Variants in DLEC1 observed in about 807,000 individuals in gnomAD.
DLEC1 encodes DLEC1 cilia and flagella associated protein.
A neutral mutation model predicts 198.1 loss-of-function variants in DLEC1; 146 were observed. The observed-to-expected ratio is 0.74, with a 90% CI of 0.64 to 0.85. DLEC1 has a LOEUF of 0.85. DLEC1 is among the 40% of genes least tolerant of loss of function. The probability of loss-of-function intolerance (pLI) is 0.00; values close to 1 mark genes in which losing one functional copy is unlikely to be tolerated. For missense variants in DLEC1, 2,233 were observed against 2,220.0 expected (o/e 1.01, Z -0.12); for synonymous variants, 897 against 866.8 (o/e 1.03, Z -0.61).
At chr3:38,048,355 A>G (rs906971529) in intron 2 of DLEC1, among the ~76,000 whole-genome samples, 2 of 152,260 alleles carry the variant, frequency 1.3e-5, no homozygotes, top group African/African-American at 4.8e-5. Flanking sequence ...TTTCCAGTGC[A>G]GTAGACAGAA....
chr3:38,074,458 G>C (rs1272469824), intron 6 of DLEC1, among the ~76,000 whole-genome samples: 1 of 152,248 alleles, frequency 6.6e-6, no homozygotes, highest in Non-Finnish European at 1.5e-5. Flanking sequence ...GCGTCTAAGG[G>C]TTGCTGCTTA....
At chr3:38,096,074 G>A (rs1050174440) in intron 14 of DLEC1, 128 bp downstream of exon 14, 1 of 1,159,798 alleles carries the variant, frequency 8.6e-7, no homozygotes, top group African/African-American at 1.5e-5. Flanking sequence ...TGGGGAGTGA[G>A]AGCATTTTTT....
rs751455053 is a variant in DLEC1, at chr3:38,041,847, CAAAAAAA to C, written c.411+2224_411+2230del. ...TGGGCGACAGAACGAGACTCCGTTT[CAAAAAAA>C]AAAAAAAAAAAAGAAATACAACTAT... On this transcript the variant is annotated intron_variant, in intron 1 of 36. Transcript: ENST00000308059. Among the ~76,000 whole-genome samples, 262 of 71,702 alleles carry C rather than the reference CAAAAAAA, an allele frequency of 3.7e-3. 2 individuals are homozygous for C. The East Asian group carries it at 0.071, about 19-fold the overall frequency. 47.0% of individuals were successfully genotyped at this position (71,702 alleles called of 152,430 possible).
In DLEC1 at chr3:38,109,718, G is replaced by A. The variant is rs1699762563; in HGVS notation, c.3260+156G>A. The A allele has an allele frequency of 3.2e-6, 4 of 1,268,314 alleles. No individual in the cohort carries two copies. In the African/African-American group the frequency reaches 6.0e-5, roughly 19 times the overall value. The allele number at this position is 1,268,314 out of a possible 1,614,324, so 78.6% of individuals were successfully genotyped here. On this transcript the variant is annotated intron_variant, in intron 22 of 36. Transcript: ENST00000308059. Reference sequence around the variant, plus strand: ...GTTATTGCGGCCACTCACCACTCCTGTGGGGACAGCTCCCTTTACCCCATC... The same window carrying A: ...GTTATTGCGGCCACTCACCACTCCTATGGGGACAGCTCCCTTTACCCCATC...
intron 19 of DLEC1, chr3:38,103,277 T>A (rs2125709370): frequency 6.6e-6 from 1 of 152,428 alleles, no homozygotes; most frequent in South Asian, 2.1e-4. Flanking sequence ...CTTCCATGTG[T>A]TGCTCTGAGC....
intron 8 of DLEC1, among the ~76,000 whole-genome samples, chr3:38,085,923 C>T (rs1698432199): frequency 6.6e-6 from 1 of 152,194 alleles, no homozygotes; most frequent in African/African-American, 2.4e-5. Flanking sequence ...CGTGATCCCC[C>T]TTACTTCTGC....
At chr3:38,085,661 AG>A (rs1647137249) in intron 8 of DLEC1, among the ~76,000 whole-genome samples, 2 of 151,908 alleles carry the variant, frequency 1.3e-5, no homozygotes, top group African/African-American at 2.4e-5. Context: ...TTCTCAGTGG[AG>A]GTTGACTCAC....
chr3:38,097,431 A>G, intron 16 of DLEC1, 76 bp from the exon 17 acceptor site: 1 of 1,595,656 alleles, frequency 6.3e-7, no homozygotes. Context: ...TGTGCAAGCC[A>G]GATGTCTGGG....
chr3:38,110,057 G>T (rs772438791), intron 22 of DLEC1, 42 bp from the exon 23 acceptor site: 3 of 1,603,136 alleles, frequency 1.9e-6, no homozygotes, highest in Non-Finnish European at 2.6e-6. Context: ...GCCAAGGGTG[G>T]TGTGTTACAT....
chr3:38,112,248 GCTTT>G lies in DLEC1; in HGVS notation c.3557_3560del (p.Phe1186SerfsTer59). Reference sequence around the variant, plus strand: ...CATGCTATCCCACGGGAAAGGAGCTGCTTTCTTCCCTCACTTTTCCCAGGGCATG... The same window carrying G: ...CATGCTATCCCACGGGAAAGGAGCTGCTTCCCTCACTTTTCCCAGGGCATG... On this transcript the variant is annotated frameshift_variant, in exon 25 of 37. Coordinates refer to ENST00000308059, the MANE Select transcript of DLEC1 (RefSeq NM_007335.4). LOFTEE classifies it high-confidence loss of function. This position sits in a 1 kb window ranked among gnomAD's most constrained non-coding sequence, Gnocchi z 4.8. 6.2e-7 allele frequency: 1 copy of G among 1,614,166 alleles called. No individual in the cohort carries two copies. Among genetic ancestry groups the G allele is most frequent in the South Asian group, 1.1e-5 (1 of 91,086 alleles).
At position 38,118,065 on chromosome 3, in the gene DLEC1, C is replaced by T. The variant is rs145002117; in HGVS notation, c.4704+41C>T. 1.9e-3 allele frequency: 2,887 copies of T among 1,551,950 alleles called. 4 individuals are homozygous for T. Among genetic ancestry groups the T allele is most frequent in the Non-Finnish European group, 2.3e-3 (2,655 of 1,147,058 alleles). ...TGCAGCCCTTGCCTCGATGGCACAC[C>T]CTCACATGTGTACAGACAGCACCCC... On this transcript the variant is annotated intron_variant, in intron 33 of 36. Coordinates refer to ENST00000308059, the MANE Select transcript of DLEC1 (RefSeq NM_007335.4).
chr3:38,043,956 G>T lies in DLEC1; in HGVS notation c.412-1587G>T, dbSNP rs9840135. The stretch of plus-strand genomic sequence containing the variant: ...GGAACACTGTCTTCCTACATAAACT[G>T]TTTTTTTTTTTCTTTAAAAGAAATG... On this transcript the variant is annotated intron_variant, in intron 1 of 36. Transcript: ENST00000308059. 5.3e-5 allele frequency among the ~76,000 whole-genome samples: 6 copies of T among 113,048 alleles called. No homozygotes were observed. The South Asian group carries it at 7.8e-4, about 15-fold the overall frequency. 74.2% of individuals were successfully genotyped at this position (113,048 alleles called of 152,430 possible).
At chr3:38,109,964 G>A in intron 22 of DLEC1, 135 bp from the exon 23 acceptor site, 1 of 1,018,996 alleles carries the variant, frequency 9.8e-7, no homozygotes, top group Non-Finnish European at 1.4e-6. Context: ...GTGGTTGGCA[G>A]CTCAATGAAA....
intron 6 of DLEC1, among the ~76,000 whole-genome samples, chr3:38,075,759 G>C (rs1697577985): frequency 6.6e-6 from 1 of 152,112 alleles, no homozygotes; most frequent in Non-Finnish European, 1.5e-5. Context: ...ATAAGGGATT[G>C]GGGGTTCTTG....
chr3:38,108,100 A>C (rs908276348), intron 20 of DLEC1, among the ~76,000 whole-genome samples: 8 of 152,202 alleles, frequency 5.3e-5, no homozygotes, highest in Non-Finnish European at 1.0e-4. Context: ...CATGGGACAT[A>C]AGGCCACATC....
At chr3:38,100,738 A>C (rs976009600) in intron 19 of DLEC1, among the ~76,000 whole-genome samples, 2 of 152,318 alleles carry the variant, frequency 1.3e-5, no homozygotes, top group Non-Finnish European at 2.9e-5. Context: ...GTATACTCCC[A>C]GGGAAATCCT....
At chr3:38,058,432 CG>C (rs1559402424) in intron 2 of DLEC1, among the ~76,000 whole-genome samples, 1 of 152,134 alleles carries the variant, frequency 6.6e-6, no homozygotes, top group Non-Finnish European at 1.5e-5. Context: ...CCGATGCAGG[CG>C]GCTAGGCGGC....
intron 8 of DLEC1, 23 bp from the exon 9 acceptor site, chr3:38,086,218 C>A: frequency 6.3e-7 from 1 of 1,594,114 alleles, no homozygotes; most frequent in South Asian, 1.1e-5. Flanking sequence ...GTTTCTCTTG[C>A]ACATGTTCTC....
At position 38,112,926 on chromosome 3, in the gene DLEC1, TA is replaced by T. The variant is rs1367382376; in HGVS notation, c.3666+567del. ...AAACCTGCATACGTTATCCTACCGT[TA>T]AGTTGTTAAATAGAAGATTTTCATG... On this transcript the variant is annotated intron_variant, in intron 25 of 36. Coordinates refer to ENST00000308059, the MANE Select transcript of DLEC1 (RefSeq NM_007335.4). The surrounding 1 kb of genome is among the most constrained non-coding windows in gnomAD (Gnocchi z 4.8). Among the ~76,000 whole-genome samples the T allele has an allele frequency of 2.0e-5, 3 of 152,242 alleles. No homozygotes were observed. The highest frequency in any genetic ancestry group is 7.2e-5 in the African/African-American group (3 of 41,458).
Sources: allele counts gnomAD v4.1 joint callset (sites outside exome capture counted in the v4.1 genomes callset), GRCh38; gene constraint gnomAD v4.1.1; non-coding constraint Gnocchi (gnomAD v3.1); transcripts MANE v1.5; gene names NCBI Gene and HGNC (gene_info 2026-07-23, HGNC 2026-07-21).